The following EYS variants were observed in gnomAD, a reference collection of about 807,000 sequenced individuals.
EYS encodes the protein protein eyes shut homolog.
A neutral mutation model predicts 282.1 loss-of-function variants in EYS; 250 were observed. The observed-to-expected ratio is 0.89, with a 90% confidence interval of 0.80 to 0.98. The LOEUF (loss-of-function observed/expected upper bound fraction) is 0.98. Ranked by LOEUF, EYS falls within the 50% of genes least tolerant of loss-of-function variation. The pLI is 0.00. For missense variants in EYS, 4,016 were observed against 3,709.0 expected, an observed-to-expected ratio of 1.08 and a Z score of -2.15; for synonymous variants, 1,355 against 1,282.9, an observed-to-expected ratio of 1.06 and a Z score of -1.20.
chr6:65,044,479 C>T (rs374911035), intron 13 of EYS, among the ~76,000 whole-genome samples: 2 of 151,750 alleles, frequency 1.3e-5, no homozygotes, highest in African/African-American at 4.8e-5. Context: ...GAGATTTTCC[C>T]CTATATTTTC....
chr6:64,677,694 C>T (rs1012590375), intron 22 of EYS, among the ~76,000 whole-genome samples: 5 of 151,968 alleles, frequency 3.3e-5, no homozygotes, highest in South Asian at 2.1e-4. Context: ...GTTTCAGTAT[C>T]CACTGAGGGT....
intron 22 of EYS, among the ~76,000 whole-genome samples, chr6:64,708,734 A>G (rs538124653): frequency 1.8e-4 from 27 of 152,338 alleles, no homozygotes; most frequent in Non-Finnish European, 3.2e-4. Context: ...CAAACTCACT[A>G]CATGTATAGC....
chr6:64,672,203 C>T (rs1412604640), intron 22 of EYS, among the ~76,000 whole-genome samples: 2 of 152,188 alleles, frequency 1.3e-5, no homozygotes, highest in Non-Finnish European at 2.9e-5. Context: ...TGATTACCCA[C>T]TCCCTGGCCT....
At chr6:65,680,871 A>G (rs1229572416) in intron 1 of EYS, among the ~76,000 whole-genome samples, 2 of 151,950 alleles carry the variant, frequency 1.3e-5, no homozygotes, top group Non-Finnish European at 2.9e-5. Context: ...ACTGAGCTAC[A>G]TCTAACTCTA....
chr6:63,769,518 A>G (rs904393779), intron 40 of EYS, among the ~76,000 whole-genome samples: 2 of 152,132 alleles, frequency 1.3e-5, no homozygotes, highest in African/African-American at 2.4e-5. Flanking sequence ...AATTGTCAGT[A>G]CAAGGAAAAA....
intron 30 of EYS, among the ~76,000 whole-genome samples, 188 bp downstream of exon 30, chr6:64,306,782 A>C (rs1040514611): frequency 6.6e-6 from 1 of 152,214 alleles, no homozygotes; most frequent in African/African-American, 2.4e-5. Context: ...GTAATGGTCC[A>C]TCTTAATTGG....
intron 5 of EYS, among the ~76,000 whole-genome samples, chr6:65,478,130 G>C (rs1318615117): frequency 2.6e-5 from 4 of 152,098 alleles, no homozygotes; most frequent in African/African-American, 9.7e-5. Context: ...GAGGAGTAAA[G>C]GAAGTGGATT....
chr6:64,901,908 T>C (rs1419500960), intron 18 of EYS, among the ~76,000 whole-genome samples: 2 of 152,136 alleles, frequency 1.3e-5, no homozygotes, highest in African/African-American at 4.8e-5. Flanking sequence ...CAAATAGCAC[T>C]ATAAACTAAC....
chr6:64,144,561 T>G (rs777275102), intron 31 of EYS, among the ~76,000 whole-genome samples: 8 of 152,150 alleles, frequency 5.3e-5, no homozygotes, highest in Non-Finnish European at 1.0e-4. Flanking sequence ...TGGGAACTTC[T>G]CAAGTCACAG....
intron 12 of EYS, among the ~76,000 whole-genome samples, chr6:65,260,613 T>G (rs2150257832): frequency 6.6e-6 from 1 of 152,168 alleles, no homozygotes; most frequent in South Asian, 2.1e-4. Flanking sequence ...CATCAATTAT[T>G]TTCATATTTT....
At chr6:65,137,410 G>A (rs1776051847) in intron 12 of EYS, among the ~76,000 whole-genome samples, 1 of 152,096 alleles carries the variant, frequency 6.6e-6, no homozygotes. Flanking sequence ...TGAGAGGTAA[G>A]ACTGTACCCA....
chr6:64,125,154 G>GCGCGCGCGCTCTC (rs1773724746), intron 31 of EYS, among the ~76,000 whole-genome samples: 3 of 145,262 alleles, frequency 2.1e-5, no homozygotes, highest in African/African-American at 7.8e-5. Context: ...CACACTCTCT[G>GCGCGCGCGCTCTC]TCTCTCTCTC....
chr6:65,052,564 G>T (rs1216429817), intron 13 of EYS, among the ~76,000 whole-genome samples: 1 of 151,516 alleles, frequency 6.6e-6, no homozygotes, highest in Non-Finnish European at 1.5e-5. Context: ...ATAGAAAATT[G>T]TGGTATCCGA....
chr6:64,778,521 T>C (rs1202436103), intron 22 of EYS, among the ~76,000 whole-genome samples: 1 of 152,202 alleles, frequency 6.6e-6, no homozygotes, highest in Non-Finnish European at 1.5e-5. Context: ...CTAAGAGAGC[T>C]TCTTGTTCGT....
At chr6:63,784,099 T>C (rs1770305904) in intron 39 of EYS, among the ~76,000 whole-genome samples, 1 of 152,208 alleles carries the variant, frequency 6.6e-6, no homozygotes, top group East Asian at 1.9e-4. Flanking sequence ...GTCTTGAGCC[T>C]GATGGCTTTC....
Position 65,003,901 on chromosome 6 carries a change from A to G in EYS, c.2138-6198T>C, listed in dbSNP as rs75006015. Among the ~76,000 whole-genome samples, 170 of 147,474 alleles carry G rather than the reference A, an allele frequency of 1.2e-3. 2 individuals are homozygous for G. The highest frequency in any genetic ancestry group is 4.0e-3 in the African/African-American group (163 of 41,250). On this transcript the variant is annotated intron_variant, in intron 13 of 42. Coordinates refer to ENST00000503581, the MANE Select transcript of EYS (RefSeq NM_001142800.2). The stretch of plus-strand genomic sequence containing the variant: ...TTTATGCCTCAGCCACATTCTGTAT[A>G]TAATGTCATTTCGTTTTCTGTGTCT...
At chr6:64,861,242 G>A (rs994590639) in intron 19 of EYS, among the ~76,000 whole-genome samples, 1 of 152,178 alleles carries the variant, frequency 6.6e-6, no homozygotes, top group Non-Finnish European at 1.5e-5. Context: ...GTCCAGAGGG[G>A]GCTGAGGCGG....
At chr6:65,383,457 C>G (rs981739747) in intron 8 of EYS, among the ~76,000 whole-genome samples, 2 of 151,472 alleles carry the variant, frequency 1.3e-5, no homozygotes, top group Non-Finnish European at 2.9e-5. Flanking sequence ...CTTCTTAGTT[C>G]TACTTTTTAA....
chr6:64,426,967 T>C (rs1371053950), intron 28 of EYS, among the ~76,000 whole-genome samples: 4 of 152,220 alleles, frequency 2.6e-5, no homozygotes, highest in Non-Finnish European at 5.9e-5. Context: ...TCAAATGATA[T>C]GAAAATCTTG....
Sources: gnomAD v4.1 joint callset for allele counts (sites outside exome capture counted in the v4.1 genomes callset) on GRCh38, gnomAD v4.1.1 for gene constraint, MANE v1.5 for transcripts, NCBI Gene and HGNC (gene_info 2026-07-23, HGNC 2026-07-21) for gene names.